DNAH9: variants seen among roughly 807,000 people sequenced by gnomAD.
DNAH9 encodes the protein DNAH9 variant protein.
Under a neutral mutation model 471.6 loss-of-function variants are expected in DNAH9, and 345 were observed. The observed-to-expected ratio is 0.73, with a 90% CI of 0.67 to 0.80. The LOEUF (loss-of-function observed/expected upper bound fraction) is 0.80. Ranked by LOEUF, DNAH9 falls within the 30% of genes least tolerant of loss-of-function variation. The probability of loss-of-function intolerance (pLI) is 0.00; values close to 1 mark genes in which losing one functional copy is unlikely to be tolerated. For synonymous variants in DNAH9, 2,093 were observed against 2,123.6 expected, an observed-to-expected ratio of 0.99 and a Z score of 0.40; for missense variants, 5,407 against 5,609.2, an observed-to-expected ratio of 0.96 and a Z score of 1.15.
intron 48 of DNAH9, among the ~76,000 whole-genome samples, chr17:11,827,687 C>CTTTT (rs35848318): frequency 6.8e-6 from 1 of 146,966 alleles, no homozygotes; most frequent in African/African-American, 2.5e-5. Flanking sequence ...ATCCTTGGTT[C>CTTTT]TTTTTTTTTT....
intron 26 of DNAH9, 70 bp from the exon 27 acceptor site, chr17:11,719,264 G>C: frequency 6.8e-7 from 1 of 1,467,914 alleles, no homozygotes; most frequent in Non-Finnish European, 9.4e-7. Flanking sequence ...GATCTCACAT[G>C]GCCTTGAGCC....
intron 53 of DNAH9, among the ~76,000 whole-genome samples, chr17:11,875,541 A>C (rs112003375): frequency 0.015 from 2,323 of 152,274 alleles, 61 homozygotes; most frequent in African/African-American, 0.053. Flanking sequence ...ACCCTTAGCT[A>C]AAGCTGCCTC....
chr17:11,852,265 C>A (rs2150968570), intron 49 of DNAH9, among the ~76,000 whole-genome samples: 1 of 152,296 alleles, frequency 6.6e-6, no homozygotes, highest in East Asian at 1.9e-4. Context: ...GCGCCATAAG[C>A]AAATGGTTTC....
chr17:11,654,629 A>T (rs9897838), intron 14 of DNAH9, among the ~76,000 whole-genome samples: 2,463 of 152,118 alleles, frequency 0.016, 64 homozygotes, highest in African/African-American at 0.055. Flanking sequence ...TTATCACAAG[A>T]GTCTCTAAAA....
intron 53 of DNAH9, among the ~76,000 whole-genome samples, chr17:11,878,462 T>TA (rs1308478999): frequency 6.6e-6 from 1 of 152,236 alleles, no homozygotes; most frequent in East Asian, 1.9e-4. Flanking sequence ...TTGTCAGCCA[T>TA]TTATTCTATA....
At chr17:11,859,399 G>A (rs1372071183) in intron 50 of DNAH9, among the ~76,000 whole-genome samples, 1 of 119,392 alleles carries the variant, frequency 8.4e-6, no homozygotes, top group Non-Finnish European at 1.8e-5. Flanking sequence ...GCAACAGAGC[G>A]AGACTCCGTC....
In DNAH9 at chr17:11,894,370, G is replaced by A. The variant is rs1409708693; in HGVS notation, c.11284-4G>A. On this transcript the variant is annotated splice_polypyrimidine_tract_variant and splice_region_variant and intron_variant, in intron 58 of 68. Transcript: ENST00000262442. ...AAATGCAGTATCATTTCTCCACATT[G>A]CAGATTCTCCTCATGAACCGAGAAG... The A allele has an allele frequency of 5.0e-6, 8 of 1,613,676 alleles. No homozygotes were observed. The African/African-American group carries it at 9.3e-5, about 19-fold the overall frequency.
At position 11,727,974 on chromosome 17, in the gene DNAH9, G is replaced by A. The variant is rs372643833; in HGVS notation, c.5814+52G>A. 4.1e-4 allele frequency: 468 copies of A among 1,138,218 alleles called. 5 individuals carry two copies. In the African/African-American group the frequency reaches 6.3e-3, roughly 15 times the overall value. 70.5% of individuals were successfully genotyped at this position (1,138,218 alleles called of 1,614,324 possible). On this transcript the variant is annotated intron_variant, in intron 28 of 68. Coordinates refer to ENST00000262442, the MANE Select transcript of DNAH9 (RefSeq NM_001372.4). ...TTGTGGTCTTCATATTGATTACTGC[G>A]GAAGTCTATGTCCTCTTGTTTTCTA...
intron 36 of DNAH9, among the ~76,000 whole-genome samples, chr17:11,764,074 C>T (rs532976564): frequency 4.6e-5 from 7 of 152,240 alleles, no homozygotes; most frequent in South Asian, 2.1e-4. Flanking sequence ...TATCTCCATA[C>T]GCGCGAAACT....
chr17:11,718,346 G>A (rs2075001416), intron 26 of DNAH9, among the ~76,000 whole-genome samples: 1 of 152,226 alleles, frequency 6.6e-6, no homozygotes. Context: ...AGATATTTGG[G>A]TTGTTTCTAG....
chr17:11,608,596 G>A (rs556418917), intron 2 of DNAH9, among the ~76,000 whole-genome samples: 14 of 152,094 alleles, frequency 9.2e-5, no homozygotes, highest in Non-Finnish European at 1.9e-4. Context: ...AGGGCTGAGC[G>A]CAACCACACT....
chr17:11,893,823 A>C (rs1470734412), intron 58 of DNAH9, among the ~76,000 whole-genome samples: 1 of 152,226 alleles, frequency 6.6e-6, no homozygotes, highest in Non-Finnish European at 1.5e-5. Context: ...GCCCATGTAC[A>C]TCTATGTAAC....
At position 11,745,060 on chromosome 17, in the gene DNAH9, G is replaced by A; in HGVS notation, c.6375G>A (p.Gln2125=). The A allele has an allele frequency of 1.2e-6, 2 of 1,613,592 alleles. No homozygotes were observed. The highest frequency in any genetic ancestry group is 1.7e-6 in the Non-Finnish European group (2 of 1,179,612). ...VRKAIVDLKL[Q]AEDNFVLKVV... ...AGGCGATAGTGGATCTGAAGCTCCA[G>A]GCTGAGGACAACTTTGTGCTCAAGG... Residue 2125 remains glutamine, a synonymous_variant, in exon 31 of 69, where the codon CAG becomes CAA. Coordinates refer to ENST00000262442, the MANE Select transcript of DNAH9 (RefSeq NM_001372.4).
Position 11,700,774 on chromosome 17 carries a change from T to C in DNAH9, c.5026-348T>C, listed in dbSNP as rs186108511. ...CCTGGTTTGCGCTTCATACTCAGAG[T>C]GGACAAGGTCATGAGAAGCCACTGA... On this transcript the variant is annotated intron_variant, in intron 23 of 68. Transcript: ENST00000262442. Among the ~76,000 whole-genome samples, 617 of 152,200 alleles carry C rather than the reference T, an allele frequency of 4.1e-3. 4 individuals are homozygous for C. Among genetic ancestry groups the C allele is most frequent in the South Asian group, 0.015 (73 of 4,820 alleles).
chr17:11,731,862 A>C (rs185448227), intron 28 of DNAH9, among the ~76,000 whole-genome samples: 1,737 of 152,210 alleles, frequency 0.011, 9 homozygotes, highest in Non-Finnish European at 0.018. Context: ...ATAAACATAC[A>C]TGTGCATGTG....
intron 38 of DNAH9, among the ~76,000 whole-genome samples, chr17:11,772,824 G>C (rs1276393970): frequency 6.6e-6 from 1 of 152,198 alleles, no homozygotes; most frequent in African/African-American, 2.4e-5. Context: ...TGGGGAGTCA[G>C]CCGAAGCCCA....
At chr17:11,725,189 G>C (rs2075130771) in intron 27 of DNAH9, among the ~76,000 whole-genome samples, 1 of 152,206 alleles carries the variant, frequency 6.6e-6, no homozygotes, top group African/African-American at 2.4e-5. Flanking sequence ...TTCCTTAACA[G>C]ACCATGGACA....
intron 48 of DNAH9, among the ~76,000 whole-genome samples, chr17:11,830,127 A>T (rs866032209): frequency 4.6e-5 from 7 of 152,230 alleles, no homozygotes; most frequent in Middle Eastern, 3.4e-3. Context: ...TGCTGGTCCT[A>T]CCAGATCTTT....
At chr17:11,603,403 G>A (rs972424952) in intron 1 of DNAH9, among the ~76,000 whole-genome samples, 1 of 152,152 alleles carries the variant, frequency 6.6e-6, no homozygotes, top group Non-Finnish European at 1.5e-5. Context: ...ACGGAAACGA[G>A]AATAACAAGT....
Sources: gnomAD v4.1 joint callset for allele counts (sites outside exome capture counted in the v4.1 genomes callset) on GRCh38, gnomAD v4.1.1 for gene constraint, MANE v1.5 for transcripts, NCBI Gene and HGNC (gene_info 2026-07-23, HGNC 2026-07-21) for gene names.